The following SETD5 variants were observed in gnomAD, a reference collection of about 807,000 sequenced individuals.
SETD5 encodes SET domain containing 5.
A neutral mutation model predicts 153.3 loss-of-function variants in SETD5; 44 were observed. The observed-to-expected ratio is 0.29, with a 90% CI of 0.23 to 0.37. The LOEUF (loss-of-function observed/expected upper bound fraction) is 0.37, where lower values mean the gene tolerates loss of function less well. Ranked by LOEUF, SETD5 falls within the 10% of genes least tolerant of loss-of-function variation. The pLI is 1.00. For synonymous variants in SETD5, 716 were observed against 645.2 expected, an observed-to-expected ratio of 1.11 and a Z score of -1.66; for missense variants, 1,544 against 1,768.0, an observed-to-expected ratio of 0.87 and a Z score of 2.27.
chr3:9,446,173 G>A (rs528605680), intron 13 of SETD5, among the ~76,000 whole-genome samples: 2 of 150,034 alleles, frequency 1.3e-5, no homozygotes, highest in Non-Finnish European at 3.0e-5. Context: ...TGTAGTCCCA[G>A]CTACTCGGGA....
chr3:9,414,658 C>A (rs75836108), intron 1 of SETD5, among the ~76,000 whole-genome samples: 6,626 of 152,086 alleles, frequency 0.044, 243 homozygotes, highest in Admixed American at 0.11. Flanking sequence ...ACTAGTTCTC[C>A]GTAGTGTATT....
chr3:9,475,241 C>A, intron 22 of SETD5, 85 bp downstream of exon 22: 3 of 1,323,228 alleles, frequency 2.3e-6, no homozygotes, highest in Non-Finnish European at 3.2e-6. Context: ...CATTGAGATG[C>A]TGTCTTTGCA....
At chr3:9,448,071 A>T (rs1559437228) in intron 15 of SETD5, 65 bp downstream of exon 15, 9 of 1,476,236 alleles carry the variant, frequency 6.1e-6, no homozygotes, top group African/African-American at 1.4e-5. Context: ...AAATGAGAGG[A>T]CCTATAATCC....
chr3:9,407,996 G>A (rs2125486134), intron 1 of SETD5, among the ~76,000 whole-genome samples: 2 of 24,732 alleles, frequency 8.1e-5, no homozygotes, highest in South Asian at 5.5e-3. Flanking sequence ...GCAAAACTAT[G>A]TCTCAAAAAA....
chr3:9,470,156 A>C (rs929366997), intron 18 of SETD5, among the ~76,000 whole-genome samples: 1 of 152,196 alleles, frequency 6.6e-6, no homozygotes, highest in African/African-American at 2.4e-5. Flanking sequence ...TGACTCAGCA[A>C]CCTGATGAAA....
chr3:9,434,899 T>C lies in SETD5; in HGVS notation c.388+17T>C. On this transcript the variant is annotated intron_variant, in intron 6 of 22. Transcript: ENST00000402198. The surrounding 1 kb of genome is among the most constrained non-coding windows in gnomAD (Gnocchi z 5.6). ...ACATATCAGGTGAGCGGAAGATGGGTTAGGTCCACAATTTGACATAAAAAT... is the reference window on the plus strand; with the variant it reads ...ACATATCAGGTGAGCGGAAGATGGGCTAGGTCCACAATTTGACATAAAAAT... The C allele has an allele frequency of 1.9e-6, 3 of 1,610,770 alleles. No individual in the cohort carries two copies. In the South Asian group the frequency reaches 3.3e-5, roughly 18 times the overall value.
chr3:9,412,384 T>TG (rs1381365903), intron 1 of SETD5, among the ~76,000 whole-genome samples: 3 of 141,782 alleles, frequency 2.1e-5, no homozygotes, highest in African/African-American at 5.3e-5. Flanking sequence ...TGCACAGTTT[T>TG]GGGTTTTTTT....
At chr3:9,432,253 G>GTTC (rs35619713) in intron 3 of SETD5, 34,956 of 981,164 alleles carry the variant, frequency 0.036, 1,090 homozygotes, top group African/African-American at 0.13. Flanking sequence ...TCTGTCTAAA[G>GTTC]TTCTTCACTT....
chr3:9,468,684 G>A, intron 18 of SETD5: 1 of 994,236 alleles, frequency 1.0e-6, no homozygotes, highest in Non-Finnish European at 1.4e-6. Flanking sequence ...GGGGTGATGG[G>A]CTGGAGGGCG....
chr3:9,436,749 T>C (rs946703100), intron 7 of SETD5: 7 of 1,002,924 alleles, frequency 7.0e-6, no homozygotes, highest in African/African-American at 6.5e-5. Flanking sequence ...GGGGACAGAA[T>C]AGAACACTAG....
intron 18 of SETD5, among the ~76,000 whole-genome samples, chr3:9,468,165 A>G (rs1305619862): frequency 6.6e-6 from 1 of 151,738 alleles, no homozygotes; most frequent in African/African-American, 2.4e-5. Context: ...GCCCCTCAAT[A>G]ACAAATACTG....
At chr3:9,462,519 G>A (rs372943969) in intron 17 of SETD5, among the ~76,000 whole-genome samples, 4 of 151,258 alleles carry the variant, frequency 2.6e-5, no homozygotes, top group Admixed American at 6.6e-5. Flanking sequence ...CCTGGGAGGC[G>A]GACCTTGCAG....
intron 17 of SETD5, among the ~76,000 whole-genome samples, chr3:9,458,615 TAATAA>T (rs1341313436): frequency 6.6e-6 from 1 of 152,136 alleles, no homozygotes; most frequent in Non-Finnish European, 1.5e-5. Context: ...TCTCTAAAAA[TAATAA>T]AATAAATAAT....
chr3:9,437,431 T>C (rs1244292838), intron 7 of SETD5, among the ~76,000 whole-genome samples: 2 of 152,072 alleles, frequency 1.3e-5, no homozygotes, highest in African/African-American at 4.8e-5. Flanking sequence ...AGCAAGTATG[T>C]GGAATGGTTT....
intron 1 of SETD5, among the ~76,000 whole-genome samples, chr3:9,419,876 G>T (rs2038108955): frequency 6.6e-6 from 1 of 152,164 alleles, no homozygotes; most frequent in African/African-American, 2.4e-5. Flanking sequence ...GTTTGAAAAT[G>T]AAGAAGATCT....
At chr3:9,425,921 C>T (rs540684280) in intron 2 of SETD5, among the ~76,000 whole-genome samples, 110 of 152,162 alleles carry the variant, frequency 7.2e-4, no homozygotes, top group African/African-American at 2.4e-3. Flanking sequence ...AGGGGAGGTA[C>T]GGTGATAATC....
At chr3:9,449,420 ATTTGGTCTTCCTTTGAGGT>A (rs1163973716) in intron 16 of SETD5, 1 of 152,084 alleles carries the variant, frequency 6.6e-6, no homozygotes, top group East Asian at 1.9e-4. Flanking sequence ...ACACCCTTTC[ATTTGGTCTTCCTTTGAGGT>A]AGAGTCTGTT....
intron 16 of SETD5, among the ~76,000 whole-genome samples, chr3:9,450,282 C>G (rs746039211): frequency 2.0e-5 from 3 of 152,202 alleles, no homozygotes; most frequent in African/African-American, 4.8e-5. Context: ...GTGTATCTGA[C>G]TATCCTTAAT....
chr3:9,428,974 A>G lies in SETD5; in HGVS notation c.36A>G (p.Ser12=). The G allele has an allele frequency of 1.2e-6, 2 of 1,613,376 alleles. No homozygotes were observed. Among genetic ancestry groups the G allele is most frequent in the Non-Finnish European group, 1.7e-6 (2 of 1,179,542 alleles). The part of the protein sequence containing the change: ...SIAIPLGVTT[S]DTSYSDMAAG... ...CAATCCCTCTGGGAGTCACCACATCAGATACATCCTACTCAGATATGGCTG... is the reference window on the plus strand; with the variant it reads ...CAATCCCTCTGGGAGTCACCACATCGGATACATCCTACTCAGATATGGCTG... Residue 12 remains serine, a synonymous_variant, in exon 3 of 23, where the codon TCA becomes TCG. Transcript: ENST00000402198.
Sources: gnomAD v4.1 joint callset for allele counts (sites outside exome capture counted in the v4.1 genomes callset) on GRCh38, gnomAD v4.1.1 for gene constraint, Gnocchi (gnomAD v3.1) non-coding constraint, MANE v1.5 for transcripts, NCBI Gene and HGNC (gene_info 2026-07-23, HGNC 2026-07-21) for gene names.